Variants in STX4 observed in about 807,000 individuals in gnomAD.
The protein encoded by STX4 is syntaxin-4.
STX4 carries 24 observed loss-of-function variants against 41.8 expected under a neutral mutation model. That is an observed-to-expected ratio of 0.57 (90% CI 0.42 to 0.81). The LOEUF is 0.81. STX4 is among the 30% of genes least tolerant of loss of function. The probability of loss-of-function intolerance (pLI) is 0.00; values close to 1 mark genes in which losing one functional copy is unlikely to be tolerated. For synonymous variants in STX4, 158 were observed against 156.4 expected, an observed-to-expected ratio of 1.01 and a Z score of -0.08; for missense variants, 316 against 389.9, an observed-to-expected ratio of 0.81 and a Z score of 1.60.
rs183422104 is a variant in STX4, at chr16:31,040,097, G to A, written c.*201G>A. ...CTTCAGGCCTCAATGCCTGGGGGAG[G>A]CCTGCACTGTCCTGATTGGCCGGGA... On this transcript the variant is annotated 3_prime_UTR_variant, in exon 11 of 11. Transcript: ENST00000313843. The A allele has an allele frequency of 3.1e-4, 157 of 510,596 alleles. No individual in the cohort carries two copies. Among genetic ancestry groups the A allele is most frequent in the Middle Eastern group, 5.4e-4 (1 of 1,850 alleles). The allele number at this position is 510,596 out of a possible 1,614,324, so 31.6% of individuals were successfully genotyped here. A position where few individuals can be genotyped will look rare whatever the true frequency, so the allele number is the denominator to read the frequency against.
chr16:31,037,471 C>T (rs2056809418), intron 5 of STX4, among the ~76,000 whole-genome samples: 1 of 150,802 alleles, frequency 6.6e-6, no homozygotes, highest in Non-Finnish European at 1.5e-5. Context: ...ACCATCCTGG[C>T]CAACATGGTG....
At chr16:31,038,361 G>T in intron 7 of STX4, 149 bp from the exon 8 acceptor site, 4 of 1,313,590 alleles carry the variant, frequency 3.0e-6, no homozygotes, top group Non-Finnish European at 4.3e-6. Flanking sequence ...CTGATTAAGG[G>T]CACCCTGAGG....
chr16:31,035,148 A>AAAAG, intron 5 of STX4, 108 bp downstream of exon 5: 3 of 840,524 alleles, frequency 3.6e-6, no homozygotes, highest in South Asian at 2.4e-5. Context: ...GTCCAATTGG[A>AAAAG]TGACTTTTCC....
At position 31,033,872 on chromosome 16, in the gene STX4, A is replaced by G. The variant is rs1028915785; in HGVS notation, c.30+37A>G. The stretch of plus-strand genomic sequence containing the variant: ...GGGCAGCGGGGATGGGGACGGGCGG[A>G]CGAACTGGAACGCAGGACTTCTGGT... On this transcript the variant is annotated intron_variant, in intron 1 of 10. Coordinates refer to ENST00000313843, the MANE Select transcript of STX4 (RefSeq NM_004604.5). This position sits in a 1 kb window ranked among gnomAD's most constrained non-coding sequence, Gnocchi z 5.5. 1 of 1,452,202 alleles carries G rather than the reference A, an allele frequency of 6.9e-7. No individual in the cohort carries two copies. The allele number at this position is 1,452,202 out of a possible 1,614,324, so 90.0% of individuals were successfully genotyped here.
chr16:31,037,671 T>TAATAAATA (rs201361011), intron 5 of STX4, among the ~76,000 whole-genome samples: 7,581 of 143,520 alleles, frequency 0.053, 272 homozygotes, highest in East Asian at 0.11. Flanking sequence ...AAAAAACAAA[T>TAATAAATA]AATAAATAAA....
At position 31,039,935 on chromosome 16, in the gene STX4, G is replaced by A; in HGVS notation, c.*39G>A. The stretch of plus-strand genomic sequence containing the variant: ...AGGCACTAGGAGCACCAGGAACCCA[G>A]GGCCTGGCCTTCTCTCCCAGCAGCC... On this transcript the variant is annotated 3_prime_UTR_variant, in exon 11 of 11. Transcript: ENST00000313843. This position sits in a 1 kb window ranked among gnomAD's most constrained non-coding sequence, Gnocchi z 4.1. 9.4e-7 allele frequency: 1 copy of A among 1,067,358 alleles called. No individual in the cohort carries two copies. The allele number at this position is 1,067,358 out of a possible 1,614,324, so 66.1% of individuals were successfully genotyped here.
At chr16:31,033,397 T>G, upstream of STX4, 3 of 1,260,962 alleles carry the variant, frequency 2.4e-6, no homozygotes, top group Non-Finnish European at 3.4e-6. This position sits in a 1 kb window ranked among gnomAD's most constrained non-coding sequence, Gnocchi z 5.5. Flanking sequence ...CAGATTTCCG[T>G]TGGAAGATGC....
chr16:31,034,563 C>T (rs1235695655), intron 4 of STX4, 27 bp downstream of exon 4: 1 of 1,544,124 alleles, frequency 6.5e-7, no homozygotes, highest in African/African-American at 1.4e-5. Context: ...TCAGACAGAT[C>T]CTTCCCTCTG....
At chr16:31,035,119 G>T (rs1399358356) in intron 5 of STX4, 79 bp downstream of exon 5, 2 of 1,155,884 alleles carry the variant, frequency 1.7e-6, no homozygotes, top group Non-Finnish European at 2.4e-6. Context: ...ATGAAGGAAG[G>T]GCCTGCAGAG....
At position 31,034,996 on chromosome 16, in the gene STX4, G is replaced by A; in HGVS notation, c.334G>A (p.Asp112Asn). 1.2e-6 allele frequency: 2 copies of A among 1,611,678 alleles called. No individual in the cohort carries two copies. Among genetic ancestry groups the A allele is most frequent in the Non-Finnish European group, 1.7e-6 (2 of 1,179,238 alleles). The change falls in exon 5 of 11, where the codon GAT becomes AAT. Residue 112 changes from aspartate (D) to asparagine (N), a missense_variant. Coordinates refer to ENST00000313843, the MANE Select transcript of STX4 (RefSeq NM_004604.5). The stretch of plus-strand genomic sequence containing the variant: ...CATAGAGCCCCAGAAGGAGGAAGCT[G>A]ATGAGAACTATAACTCCGTCAACAC... ...KAIEPQKEEA[D>N]ENYNSVNTRM...
At position 31,038,106 on chromosome 16, in the gene STX4, C is replaced by T. The variant is rs1464675998; in HGVS notation, c.488-8C>T. 6.2e-7 allele frequency: 1 copy of T among 1,614,192 alleles called. No individual in the cohort carries two copies. Among genetic ancestry groups the T allele is most frequent in the South Asian group, 1.1e-5 (1 of 91,088 alleles). ...ACCCAACCCTGAGCCTGGCCTTTTC[C>T]TTCACAGCCAATGCTGGGATGGTGT... On this transcript the variant is annotated splice_polypyrimidine_tract_variant and splice_region_variant and intron_variant, in intron 6 of 10. Coordinates refer to ENST00000313843, the MANE Select transcript of STX4 (RefSeq NM_004604.5).
Position 31,037,889 on chromosome 16 carries a change from C to T in STX4, c.379-37C>T, listed in dbSNP as rs766870687. On this transcript the variant is annotated intron_variant, in intron 5 of 10. Transcript: ENST00000313843. ...CCGAGGCACCGACCGGGCAGGGATC[C>T]TCCCAGGGGCACTCAGCCTATATTC... The T allele has an allele frequency of 5.0e-6, 8 of 1,611,492 alleles. No individual in the cohort carries two copies. The Admixed American group carries it at 1.3e-4, about 27-fold the overall frequency.
chr16:31,037,411 C>T (rs796229548), intron 5 of STX4, among the ~76,000 whole-genome samples: 13 of 151,680 alleles, frequency 8.6e-5, no homozygotes, highest in African/African-American at 3.1e-4. Context: ...CAGTGGCTCA[C>T]GCCTGTAATG....
chr16:31,039,158 G>A lies in STX4; in HGVS notation c.703-383G>A, dbSNP rs2056825635. The A allele has an allele frequency of 3.8e-6, 1 of 262,184 alleles. No individual in the cohort carries two copies. The highest frequency in any genetic ancestry group is 2.2e-5 in the African/African-American group (1 of 45,262). The allele number at this position is 262,184 out of a possible 1,614,324, so 16.2% of individuals were successfully genotyped here. ...TCATTCAGTAGGAGTACTGAGACCT[G>A]AGGCTGGTGGTGCCAGGAGGAGGCA... On this transcript the variant is annotated intron_variant, in intron 8 of 10. Transcript: ENST00000313843. This position sits in a 1 kb window ranked among gnomAD's most constrained non-coding sequence, Gnocchi z 4.1.
Position 31,038,678 on chromosome 16 carries a change from ACCAGG to A in STX4, c.702+33_702+37del, listed in dbSNP as rs373026611. 1,093 of 1,609,780 alleles carry A rather than the reference ACCAGG, an allele frequency of 6.8e-4. 2 individuals are homozygous for A. In the Middle Eastern group the frequency reaches 0.011, roughly 16 times the overall value. ...TGCCCCGCGCAGCCCCAGACGTGAG[ACCAGG>A]CTCAGTCCAAACTGCCAGCCTCCCG... On this transcript the variant is annotated intron_variant, in intron 8 of 10. Transcript: ENST00000313843.
upstream of STX4, chr16:31,033,148 G>A (rs1042406251): frequency 4.1e-5 from 23 of 556,318 alleles, no homozygotes; most frequent in African/African-American, 3.4e-4. The surrounding 1 kb of genome is among the most constrained non-coding windows in gnomAD (Gnocchi z 5.5). Context: ...TCCCCACCTC[G>A]CGGGGGCCGT....
In STX4 at chr16:31,033,724, G is replaced by A; in HGVS notation, c.-82G>A. 1 of 1,452,222 alleles carries A rather than the reference G, an allele frequency of 6.9e-7. No individual in the cohort carries two copies. Among genetic ancestry groups the A allele is most frequent in the South Asian group, 1.5e-5 (1 of 68,110 alleles). The allele number at this position is 1,452,222 out of a possible 1,614,324, so 90.0% of individuals were successfully genotyped here. On this transcript the variant is annotated 5_prime_UTR_variant, in exon 1 of 11. Coordinates refer to ENST00000313843, the MANE Select transcript of STX4 (RefSeq NM_004604.5). The surrounding 1 kb of genome is among the most constrained non-coding windows in gnomAD (Gnocchi z 5.5). ...GGTCCGCAGGGGGAGGGAGGGGAGTGTCAGAGTGTGAGCGGGGTACGGGAA... is the reference window on the plus strand; with the variant it reads ...GGTCCGCAGGGGGAGGGAGGGGAGTATCAGAGTGTGAGCGGGGTACGGGAA...
rs2056827100 is a variant in STX4, at chr16:31,039,452, T to G, written c.703-89T>G. On this transcript the variant is annotated intron_variant, in intron 8 of 10. Transcript: ENST00000313843. This position sits in a 1 kb window ranked among gnomAD's most constrained non-coding sequence, Gnocchi z 4.1. ...CCCTTGTCTTTGTTAGTGCAATTTTTTTTTCCTGCCAGGAATGTTCTTCAG... is the reference window on the plus strand; with the variant it reads ...CCCTTGTCTTTGTTAGTGCAATTTTGTTTTCCTGCCAGGAATGTTCTTCAG... 7.1e-7 allele frequency: 1 copy of G among 1,399,910 alleles called. No individual in the cohort carries two copies. The highest frequency in any genetic ancestry group is 9.9e-7 in the Non-Finnish European group (1 of 1,013,272). The allele number at this position is 1,399,910 out of a possible 1,614,324, so 86.7% of individuals were successfully genotyped here. A position where few individuals can be genotyped will look rare whatever the true frequency, so the allele number is the denominator to read the frequency against.
intron 5 of STX4, among the ~76,000 whole-genome samples, chr16:31,037,155 C>T (rs2056806899): frequency 6.6e-6 from 1 of 151,140 alleles, no homozygotes; most frequent in Non-Finnish European, 1.5e-5. Context: ...CCTCCGCCTC[C>T]TGGGTTCAAG....
Sources: gnomAD v4.1 joint callset for allele counts (sites outside exome capture counted in the v4.1 genomes callset) on GRCh38, gnomAD v4.1.1 for gene constraint, Gnocchi (gnomAD v3.1) non-coding constraint, MANE v1.5 for transcripts, NCBI Gene and HGNC (gene_info 2026-07-23, HGNC 2026-07-21) for gene names.